Variants in COXFA4 observed in about 807,000 individuals in gnomAD.
COXFA4 encodes the protein cytochrome c oxidase associated subunit FA4, also known as cytochrome c oxidase subunit FA4.
chr7:10,933,787 CAAT>C, the COXFA4 span: 2 of 820,438 alleles, frequency 2.4e-6, no homozygotes, highest in Admixed American at 4.4e-5. Context: ...TCTACAGTAA[CAAT>C]TACAGATATG....
the COXFA4 span, among the ~76,000 whole-genome samples, chr7:10,935,234 A>C: frequency 6.6e-6 from 1 of 152,160 alleles, no homozygotes; most frequent in African/African-American, 2.4e-5. Context: ...TCATATCCAA[A>C]ATTCTCTCTA....
At chr7:10,933,526 T>C in the COXFA4 span, 1 of 798,114 alleles carries the variant, frequency 1.3e-6, no homozygotes, top group South Asian at 1.4e-5. Context: ...ATCTCCAACA[T>C]GATTTCATGC....
At chr7:10,936,973 C>T in the COXFA4 span, among the ~76,000 whole-genome samples, 2 of 152,052 alleles carry the variant, frequency 1.3e-5, no homozygotes, top group Non-Finnish European at 2.9e-5. Context: ...GAAGTGGAGG[C>T]TGTAGTGAGC....
chr7:10,938,096 T>A, the COXFA4 span: 3 of 1,612,934 alleles, frequency 1.9e-6, no homozygotes, highest in Non-Finnish European at 2.5e-6. Flanking sequence ...TTACCTTGTA[T>A]TGATCATTGG....
the COXFA4 span, chr7:10,939,736 G>C: frequency 4.0e-6 from 2 of 497,150 alleles, no homozygotes; most frequent in Non-Finnish European, 7.3e-6. Context: ...AAAAGAGAGC[G>C]GCCACCAGAC....
the COXFA4 span, chr7:10,939,291 G>C: frequency 2.1e-3 from 464 of 222,336 alleles, 3 homozygotes; most frequent in African/African-American, 0.01. Flanking sequence ...AATTATTTAA[G>C]GGTGCCTCTA....
At chr7:10,934,301 G>A in the COXFA4 span, among the ~76,000 whole-genome samples, 1 of 146,912 alleles carries the variant, frequency 6.8e-6, no homozygotes, top group Admixed American at 6.9e-5. Flanking sequence ...CGGTATTTTT[G>A]CTGTTTACAT....
the COXFA4 span, among the ~76,000 whole-genome samples, chr7:10,937,585 C>A: frequency 6.6e-6 from 1 of 151,884 alleles, no homozygotes; most frequent in South Asian, 2.1e-4. Context: ...GCCTGGCCTG[C>A]CCTTGGTTTT....
At chr7:10,933,719 A>C in the COXFA4 span, 2 of 1,562,952 alleles carry the variant, frequency 1.3e-6, no homozygotes, top group Non-Finnish European at 1.8e-6. Flanking sequence ...AGATATTTTA[A>C]GTAATCTCAA....
chr7:10,934,376 T>TAAAAAAAAAA, the COXFA4 span, among the ~76,000 whole-genome samples: 1 of 127,002 alleles, frequency 7.9e-6, no homozygotes, highest in Non-Finnish European at 1.7e-5. Context: ...GTGATTGCTT[T>TAAAAAAAAAA]AAAAAAAAAA....
At chr7:10,937,065 G>GAGT in the COXFA4 span, among the ~76,000 whole-genome samples, 2 of 152,008 alleles carry the variant, frequency 1.3e-5, no homozygotes, top group African/African-American at 2.4e-5. Flanking sequence ...ACGTTGCTAT[G>GAGT]AGTAATAATC....
the COXFA4 span, chr7:10,939,422 T>C: frequency 5.6e-6 from 1 of 179,180 alleles, no homozygotes; most frequent in Non-Finnish European, 1.2e-5. Flanking sequence ...GGGAACCGGA[T>C]TTAAGACAGA....
chr7:10,940,016 G>A, the COXFA4 span: 1 of 1,613,856 alleles, frequency 6.2e-7, no homozygotes, highest in South Asian at 1.1e-5. Context: ...ACGAACTTAC[G>A]CTCGGATGCT....
the COXFA4 span, chr7:10,938,193 T>A: frequency 6.6e-7 from 1 of 1,510,750 alleles, no homozygotes; most frequent in Non-Finnish European, 9.2e-7. Flanking sequence ...TAAAGCACTA[T>A]TTAGTGTTTT....
the COXFA4 span, chr7:10,938,291 G>A: frequency 1.4e-6 from 1 of 718,466 alleles, no homozygotes; most frequent in South Asian, 1.8e-5. Flanking sequence ...GAAACAGGTA[G>A]AGGATCTATA....
At chr7:10,938,143 C>A in the COXFA4 span, 1 of 1,611,962 alleles carries the variant, frequency 6.2e-7, no homozygotes, top group Non-Finnish European at 8.5e-7. Flanking sequence ...TTATTTCTGT[C>A]CCAACTAAAA....
the COXFA4 span, among the ~76,000 whole-genome samples, chr7:10,937,667 T>C: frequency 1.3e-5 from 2 of 152,276 alleles, no homozygotes; most frequent in South Asian, 2.1e-4. Context: ...AATCAATAAA[T>C]GGTCTCAGTC....
At chr7:10,932,281 C>A in the COXFA4 span, 30 of 152,170 alleles carry the variant, frequency 2.0e-4, no homozygotes, top group African/African-American at 7.2e-4. Context: ...GTTGAGAAAC[C>A]CTGTTCTTAG....
the COXFA4 span, among the ~76,000 whole-genome samples, chr7:10,934,088 T>C: frequency 6.6e-6 from 1 of 152,136 alleles, no homozygotes; most frequent in Non-Finnish European, 1.5e-5. Context: ...TAACAAGAAT[T>C]ACCTTCCCTA....
Sources: gnomAD v4.1 joint callset for allele counts (sites outside exome capture counted in the v4.1 genomes callset) on GRCh38, gnomAD v4.1.1 for gene constraint, MANE v1.5 for transcripts, NCBI Gene and HGNC (gene_info 2026-07-23, HGNC 2026-07-21) for gene names.